DAP: variants seen among roughly 807,000 people sequenced by gnomAD.
DAP encodes the protein death associated protein.
In DAP, 8 loss-of-function variants were observed where a neutral mutation model predicts 13.8. The ratio of observed to expected loss-of-function variants is 0.58; its 90% CI spans 0.34 to 1.05. The LOEUF is 1.05. Among genes scored for constraint, DAP ranks in the 50% least tolerant of loss-of-function variants. The pLI is 0.03. For missense variants in DAP, 106 were observed against 133.2 expected, an observed-to-expected ratio of 0.80 and a Z score of 1.01; for synonymous variants, 47 against 47.5, an observed-to-expected ratio of 0.99 and a Z score of 0.04.
intron 2 of DAP, among the ~76,000 whole-genome samples, chr5:10,701,791 C>T (rs1738584750): frequency 6.6e-6 from 1 of 152,130 alleles, no homozygotes; most frequent in African/African-American, 2.4e-5. Context: ...ACTAGCAGTG[C>T]TTTCTTTCAC....
intron 2 of DAP, among the ~76,000 whole-genome samples, chr5:10,687,942 G>T (rs1243447986): frequency 6.9e-6 from 1 of 144,970 alleles, no homozygotes; most frequent in Non-Finnish European, 1.5e-5. Context: ...GAGGGAGAGG[G>T]TCTCACTCTG....
chr5:10,698,281 G>GTA (rs1738480540), intron 2 of DAP, among the ~76,000 whole-genome samples: 1 of 11,070 alleles, frequency 9.0e-5, no homozygotes. Flanking sequence ...TCCAGACTTA[G>GTA]CAAAAAAAAA....
At position 10,680,698 on chromosome 5, in the gene DAP, C is replaced by A; in HGVS notation, c.*358G>T. 1 of 1,525,038 alleles carries A rather than the reference C, an allele frequency of 6.6e-7. No individual in the cohort carries two copies. The highest frequency in any genetic ancestry group is 8.8e-7 in the Non-Finnish European group (1 of 1,138,260). 94.5% of individuals were successfully genotyped at this position (1,525,038 alleles called of 1,614,324 possible). A position where few individuals can be genotyped will look rare whatever the true frequency, so the allele number is the denominator to read the frequency against. On this transcript the variant is annotated 3_prime_UTR_variant, in exon 4 of 4. Transcript: ENST00000230895. Reference sequence around the variant, plus strand: ...ACTGAGGTTTTCTCCTAACCTTAATCTCATCTTCTCAAATGTGTGCCTTCT... The same window carrying A: ...ACTGAGGTTTTCTCCTAACCTTAATATCATCTTCTCAAATGTGTGCCTTCT...
chr5:10,757,825 G>A (rs1561038637), intron 1 of DAP, among the ~76,000 whole-genome samples: 2 of 152,148 alleles, frequency 1.3e-5, no homozygotes, highest in African/African-American at 4.8e-5. Flanking sequence ...AGTGAGGGGT[G>A]AGAAGAGGCC....
chr5:10,708,347 TACAC>T (rs1238500638), intron 2 of DAP, among the ~76,000 whole-genome samples: 4 of 149,838 alleles, frequency 2.7e-5, no homozygotes, highest in Non-Finnish European at 1.5e-5. Flanking sequence ...CACACACAGA[TACAC>T]ACAGACGCAC....
intron 1 of DAP, among the ~76,000 whole-genome samples, chr5:10,755,077 C>G (rs1191938048): frequency 1.3e-5 from 2 of 152,124 alleles, no homozygotes; most frequent in Non-Finnish European, 2.9e-5. Context: ...GGAGATTATT[C>G]TGGATTACCC....
At chr5:10,756,372 T>TAGTCCCAGC (rs1384209929) in intron 1 of DAP, among the ~76,000 whole-genome samples, 34 of 91,600 alleles carry the variant, frequency 3.7e-4, no homozygotes, top group Non-Finnish European at 4.1e-4. Context: ...TAGTCTTCTG[T>TAGTCCCAGC]TTCTAGCAAT....
chr5:10,754,252 A>G (rs190950682), intron 1 of DAP, among the ~76,000 whole-genome samples: 3 of 152,348 alleles, frequency 2.0e-5, no homozygotes, highest in East Asian at 3.9e-4. Flanking sequence ...AATAACAGAC[A>G]TAAGTTATAG....
At position 10,761,219 on chromosome 5, in the gene DAP, G is replaced by T; in HGVS notation, c.-151C>A. 1 of 253,512 alleles carries T rather than the reference G, an allele frequency of 3.9e-6. No homozygotes were observed. The highest frequency in any genetic ancestry group is 1.5e-4 in the South Asian group (1 of 6,452). 15.7% of individuals were successfully genotyped at this position (253,512 alleles called of 1,614,324 possible). A position where few individuals can be genotyped will look rare whatever the true frequency, so the allele number is the denominator to read the frequency against. ...GGCGCCGGGGCCGCGCGAGCCGGGTGAGTGCCACTGCCGTTAAGGGGGCGC... is the reference window on the plus strand; with the variant it reads ...GGCGCCGGGGCCGCGCGAGCCGGGTTAGTGCCACTGCCGTTAAGGGGGCGC... On this transcript the variant is annotated 5_prime_UTR_variant, in exon 1 of 4. Transcript: ENST00000230895.
intron 2 of DAP, among the ~76,000 whole-genome samples, chr5:10,687,748 T>C (rs1289863034): frequency 6.6e-6 from 1 of 152,228 alleles, no homozygotes; most frequent in Non-Finnish European, 1.5e-5. Context: ...ACTTAATTGA[T>C]AAAGCAGTGG....
intron 2 of DAP, among the ~76,000 whole-genome samples, chr5:10,743,235 G>C (rs1232874022): frequency 6.6e-6 from 1 of 152,160 alleles, no homozygotes; most frequent in African/African-American, 2.4e-5. Context: ...GTTTTCCAAA[G>C]TTAATTAGGT....
At chr5:10,700,030 T>C (rs1738533140) in intron 2 of DAP, among the ~76,000 whole-genome samples, 1 of 152,194 alleles carries the variant, frequency 6.6e-6, no homozygotes, top group Non-Finnish European at 1.5e-5. Flanking sequence ...GAGATGCACC[T>C]GGAGGGCACA....
chr5:10,696,515 C>G (rs1738444165), intron 2 of DAP, among the ~76,000 whole-genome samples: 1 of 152,190 alleles, frequency 6.6e-6, no homozygotes, highest in Admixed American at 6.5e-5. Flanking sequence ...AGCAGCCTCT[C>G]AAAGCCTCAG....
chr5:10,720,302 C>A (rs1352079434), intron 2 of DAP, among the ~76,000 whole-genome samples: 1 of 152,122 alleles, frequency 6.6e-6, no homozygotes, highest in Non-Finnish European at 1.5e-5. Flanking sequence ...TGTGCATGAC[C>A]CACTTTATGG....
intron 2 of DAP, among the ~76,000 whole-genome samples, chr5:10,737,933 A>C (rs1207328279): frequency 1.3e-5 from 2 of 152,242 alleles, no homozygotes; most frequent in Admixed American, 6.5e-5. Context: ...ACAAAGACAC[A>C]CAAAGAGGAA....
intron 1 of DAP, among the ~76,000 whole-genome samples, chr5:10,750,556 C>G (rs886952764): frequency 6.6e-6 from 1 of 152,234 alleles, no homozygotes; most frequent in Non-Finnish European, 1.5e-5. Context: ...TCTCAAAAAT[C>G]TGCTCTATAT....
intron 2 of DAP, among the ~76,000 whole-genome samples, chr5:10,729,424 ACTTCT>A (rs1221588802): frequency 6.6e-6 from 1 of 152,168 alleles, no homozygotes; most frequent in Non-Finnish European, 1.5e-5. Flanking sequence ...AACAGCAATT[ACTTCT>A]CTTAATTTAG....
Position 10,707,496 on chromosome 5 carries a change from G to A in DAP, c.153-23925C>T, listed in dbSNP as rs1051079696. On this transcript the variant is annotated intron_variant, in intron 2 of 3. Coordinates refer to ENST00000230895, the MANE Select transcript of DAP (RefSeq NM_004394.3). This position sits in a 1 kb window ranked among gnomAD's most constrained non-coding sequence, Gnocchi z 4.0. ...TGATGTGGTGCATAAACTATGTGGT[G>A]CACAGGCAGTGTGATGCATAGGTGG... Among the ~76,000 whole-genome samples the A allele has an allele frequency of 2.2e-4, 33 of 152,272 alleles. No individual in the cohort carries two copies. Among genetic ancestry groups the A allele is most frequent in the Admixed American group, 1.6e-3 (25 of 15,294 alleles).
chr5:10,736,265 G>A (rs1190898702), intron 2 of DAP, among the ~76,000 whole-genome samples: 1 of 152,204 alleles, frequency 6.6e-6, no homozygotes, highest in African/African-American at 2.4e-5. Context: ...CCCAGTTTGT[G>A]CAACTGTGTT....
Sources: gnomAD v4.1 joint callset for allele counts (sites outside exome capture counted in the v4.1 genomes callset) on GRCh38, gnomAD v4.1.1 for gene constraint, Gnocchi (gnomAD v3.1) non-coding constraint, MANE v1.5 for transcripts, NCBI Gene and HGNC (gene_info 2026-07-23, HGNC 2026-07-21) for gene names.